NFIB: variants seen among roughly 807,000 people sequenced by gnomAD.
NFIB encodes nuclear factor I B.
In NFIB, 11 loss-of-function variants were observed where a neutral mutation model predicts 61.5. The ratio of observed to expected loss-of-function variants is 0.18; its 90% CI spans 0.11 to 0.30. NFIB has a LOEUF of 0.30. Among genes scored for constraint, NFIB ranks in the 10% least tolerant of loss-of-function variants. The probability of loss-of-function intolerance (pLI) is 1.00; values close to 1 mark genes in which losing one functional copy is unlikely to be tolerated. For missense variants in NFIB, 471 were observed against 608.9 expected (o/e 0.77, Z 2.38); for synonymous variants, 260 against 216.5 (o/e 1.20, Z -1.76).
Position 14,198,147 on chromosome 9 carries a change from T to C in NFIB, c.563-18367A>G, listed in dbSNP as rs1042486470. On this transcript the variant is annotated intron_variant, in intron 2 of 10. Coordinates refer to ENST00000380953, the MANE Select transcript of NFIB (RefSeq NM_001190737.2). Reference sequence around the variant, plus strand: ...AATGGAATTTTTTCAAAGTAAATAATAAAAGCTTTGCTTTATGAAGTATTA... The same window carrying C: ...AATGGAATTTTTTCAAAGTAAATAACAAAAGCTTTGCTTTATGAAGTATTA... Among the ~76,000 whole-genome samples, 5 of 152,148 alleles carry C rather than the reference T, an allele frequency of 3.3e-5. 1 individual carries two copies. The highest frequency in any genetic ancestry group is 6.5e-5 in the Admixed American group (1 of 15,278).
chr9:14,243,043 T>C (rs899628341), intron 2 of NFIB, among the ~76,000 whole-genome samples: 1 of 152,220 alleles, frequency 6.6e-6, no homozygotes, highest in Non-Finnish European at 1.5e-5. Flanking sequence ...TTGTACAGTA[T>C]GTCGGTAAGG....
chr9:14,436,912 T>C, the NFIB span, among the ~76,000 whole-genome samples: 1 of 151,784 alleles, frequency 6.6e-6, no homozygotes. Flanking sequence ...AGATAATATA[T>C]GAGCTGGCAC....
the NFIB span, among the ~76,000 whole-genome samples, chr9:14,498,146 A>G: frequency 3.7e-4 from 57 of 152,324 alleles, no homozygotes; most frequent in Non-Finnish European, 7.6e-4. Flanking sequence ...GGAAGAAATG[A>G]CCTTGCCCTG....
intron 2 of NFIB, among the ~76,000 whole-genome samples, chr9:14,215,105 G>A (rs951094695): frequency 6.6e-6 from 1 of 152,186 alleles, no homozygotes; most frequent in African/African-American, 2.4e-5. Context: ...AAATAGCTCA[G>A]TAAAATGATC....
chr9:14,267,614 A>G (rs2132294228), intron 2 of NFIB, among the ~76,000 whole-genome samples: 1 of 152,268 alleles, frequency 6.6e-6, no homozygotes, highest in Admixed American at 6.5e-5. Context: ...TGACCCTATT[A>G]GTTTTCTCAT....
rs978942193 is a variant in NFIB at position 14,313,640 on chromosome 9, G to T, written c.-129C>A. ...TCAATCAGGACGGGGCTCTGCGCTG[G>T]ATCACCGCAACTTCACAACAAACCC... On this transcript the variant is annotated 5_prime_UTR_variant, in exon 1 of 11. Coordinates refer to ENST00000380953, the MANE Select transcript of NFIB (RefSeq NM_001190737.2). This position sits in a 1 kb window ranked among gnomAD's most constrained non-coding sequence, Gnocchi z 4.5. 6.4e-7 allele frequency: 1 copy of T among 1,551,818 alleles called. No individual in the cohort carries two copies. Among genetic ancestry groups the T allele is most frequent in the Non-Finnish European group, 8.7e-7 (1 of 1,149,938 alleles).
At chr9:14,448,224 G>A in the NFIB span, among the ~76,000 whole-genome samples, 1 of 152,138 alleles carries the variant, frequency 6.6e-6, no homozygotes, top group Non-Finnish European at 1.5e-5. Flanking sequence ...TTAGTCACTT[G>A]TATTATGTAT....
chr9:14,399,860 T>G (rs1359931847), upstream of NFIB, among the ~76,000 whole-genome samples: 3 of 152,162 alleles, frequency 2.0e-5, no homozygotes, highest in Non-Finnish European at 4.4e-5. Flanking sequence ...AAAATAAGTA[T>G]GTGACATTTA....
At chr9:14,152,593 A>G (rs1036915443) in intron 4 of NFIB, among the ~76,000 whole-genome samples, 4 of 152,100 alleles carry the variant, frequency 2.6e-5, no homozygotes, top group Non-Finnish European at 4.4e-5. Context: ...CAATTTATTA[A>G]GCTCATGCAA....
intron 1 of NFIB, among the ~76,000 whole-genome samples, chr9:14,343,050 G>C (rs959749088): frequency 6.6e-6 from 1 of 151,066 alleles, no homozygotes. Context: ...GAGCATGGCC[G>C]GGGGGGTAGG....
intron 2 of NFIB, among the ~76,000 whole-genome samples, chr9:14,251,755 G>A (rs146411800): frequency 3.9e-4 from 60 of 152,284 alleles, no homozygotes; most frequent in Admixed American, 9.8e-4. Flanking sequence ...CCTGCACACC[G>A]CAGTCTGCTC....
chr9:14,430,710 T>A, the NFIB span, among the ~76,000 whole-genome samples: 512 of 152,282 alleles, frequency 3.4e-3, 5 homozygotes, highest in Non-Finnish European at 3.8e-3. Context: ...GCCTCCCAAG[T>A]AGCTGGGATG....
intron 2 of NFIB, among the ~76,000 whole-genome samples, chr9:14,231,135 A>AAATATATAT (rs55959148): frequency 2.3e-3 from 80 of 35,340 alleles, no homozygotes; most frequent in East Asian, 7.7e-3. Context: ...AAAAAAAAAA[A>AAATATATAT]ATATATATAT....
chr9:14,456,820 C>T, the NFIB span, among the ~76,000 whole-genome samples: 3 of 152,176 alleles, frequency 2.0e-5, no homozygotes, highest in Non-Finnish European at 4.4e-5. Flanking sequence ...TCTGACCCAG[C>T]CATCCCATTT....
chr9:14,161,365 T>C (rs2044181062), intron 3 of NFIB, among the ~76,000 whole-genome samples: 1 of 152,084 alleles, frequency 6.6e-6, no homozygotes, highest in African/African-American at 2.4e-5. Context: ...ATTAAGTGTA[T>C]CTCTCAATAT....
rs927631346 is a variant in NFIB, at chr9:14,307,797, C to T, written c.31-277G>A. 3 of 287,254 alleles carry T rather than the reference C, an allele frequency of 1.0e-5. No individual in the cohort carries two copies. The highest frequency in any genetic ancestry group is 9.4e-5 in the Admixed American group (2 of 21,374). The allele number at this position is 287,254 out of a possible 1,614,324, so 17.8% of individuals were successfully genotyped here. A position where few individuals can be genotyped will look rare whatever the true frequency, so the allele number is the denominator to read the frequency against. ...TTTTGTATTACACTCTGGCCCCATC[C>T]CCCTTGTTTCCACCCCAATGCCATG... is the stretch of plus-strand genomic sequence containing the variant. On this transcript the variant is annotated intron_variant, in intron 1 of 10. Transcript: ENST00000380953. The surrounding 1 kb of genome is among the most constrained non-coding windows in gnomAD (Gnocchi z 5.3).
the NFIB span, among the ~76,000 whole-genome samples, chr9:14,420,975 T>C: frequency 6.6e-6 from 1 of 152,082 alleles, no homozygotes; most frequent in Non-Finnish European, 1.5e-5. Flanking sequence ...TTTTTAAACT[T>C]AGTCTTAGTT....
intron 2 of NFIB, among the ~76,000 whole-genome samples, chr9:14,236,129 A>G (rs1349507876): frequency 6.6e-6 from 1 of 152,168 alleles, no homozygotes; most frequent in African/African-American, 2.4e-5. Flanking sequence ...CCCCTTAACA[A>G]AGACATGTGT....
chr9:14,525,702 A>C, the NFIB span, among the ~76,000 whole-genome samples: 1 of 152,216 alleles, frequency 6.6e-6, no homozygotes, highest in Non-Finnish European at 1.5e-5. Context: ...GAAATCTGCT[A>C]CAATTTGAAA....
Sources: gnomAD v4.1 joint callset for allele counts (sites outside exome capture counted in the v4.1 genomes callset) on GRCh38, gnomAD v4.1.1 for gene constraint, Gnocchi (gnomAD v3.1) non-coding constraint, MANE v1.5 for transcripts, NCBI Gene and HGNC (gene_info 2026-07-23, HGNC 2026-07-21) for gene names.